BFSP2: variants seen among roughly 807,000 people sequenced by gnomAD.
The protein encoded by BFSP2 is beaded filament structural protein 2.
A neutral mutation model predicts 44.9 loss-of-function variants in BFSP2; 38 were observed. The ratio of observed to expected loss-of-function variants is 0.85; its 90% CI spans 0.65 to 1.11. The LOEUF (loss-of-function observed/expected upper bound fraction) is 1.11. Among genes scored for constraint, BFSP2 ranks in the 50% least tolerant of loss-of-function variants. The pLI is 0.00. For missense variants in BFSP2, 525 were observed against 533.0 expected, an observed-to-expected ratio of 0.99 and a Z score of 0.15; for synonymous variants, 197 against 209.9, an observed-to-expected ratio of 0.94 and a Z score of 0.53.
At chr3:133,446,546 C>G (rs1008726955) in intron 1 of BFSP2, among the ~76,000 whole-genome samples, 2 of 122,714 alleles carry the variant, frequency 1.6e-5, no homozygotes, top group Non-Finnish European at 3.3e-5. Context: ...CAGGCTCCCC[C>G]TATCAGAGCC....
chr3:133,400,290 G>C lies in BFSP2; in HGVS notation c.207G>C (p.Leu69Phe). ...CACCCAGTGGGTGCATAGGTGGCTT[G>C]GGTGCCCGTGTGACCCGCCGGGCCC... is the stretch of plus-strand genomic sequence containing the variant. ...GTAPSGCIGG[L>F]GARVTRRALG... Residue 69 changes from leucine to phenylalanine, a missense_variant, in exon 1 of 7, where the codon TTG becomes TTC. Coordinates refer to ENST00000302334, the MANE Select transcript of BFSP2 (RefSeq NM_003571.4). This position sits in a 1 kb window ranked among gnomAD's most constrained non-coding sequence, Gnocchi z 4.0. 1 of 1,614,010 alleles carries C rather than the reference G, an allele frequency of 6.2e-7. No homozygotes were observed. The highest frequency in any genetic ancestry group is 1.1e-5 in the South Asian group (1 of 91,074).
chr3:133,423,737 C>T (rs562168770), intron 1 of BFSP2, among the ~76,000 whole-genome samples: 1 of 152,238 alleles, frequency 6.6e-6, no homozygotes, highest in African/African-American at 2.4e-5. Flanking sequence ...TGACCTGGTT[C>T]TCTTGGCAGG....
At chr3:133,424,567 A>G (rs2073626465) in intron 1 of BFSP2, among the ~76,000 whole-genome samples, 1 of 152,146 alleles carries the variant, frequency 6.6e-6, no homozygotes, top group Admixed American at 6.6e-5. Context: ...AAGGAGAGTT[A>G]TCATTCCACC....
At chr3:133,425,636 C>T (rs543266599) in intron 1 of BFSP2, among the ~76,000 whole-genome samples, 8 of 152,074 alleles carry the variant, frequency 5.3e-5, no homozygotes, top group African/African-American at 1.7e-4. Context: ...TTCTCCCCTG[C>T]CCAGGTAGGG....
chr3:133,419,757 G>A (rs1397531884), intron 1 of BFSP2, among the ~76,000 whole-genome samples: 1 of 152,232 alleles, frequency 6.6e-6, no homozygotes, highest in African/African-American at 2.4e-5. Context: ...CTTTGCTGCT[G>A]GGGAATAGCA....
At chr3:133,414,359 C>A (rs1184031669) in intron 1 of BFSP2, among the ~76,000 whole-genome samples, 4 of 88,654 alleles carry the variant, frequency 4.5e-5, no homozygotes, top group African/African-American at 2.0e-4. Flanking sequence ...CCTCTACTCA[C>A]CCGTCCTCTC....
intron 1 of BFSP2, among the ~76,000 whole-genome samples, chr3:133,445,991 AAGG>A (rs201932196): frequency 1.3e-5 from 2 of 152,316 alleles, no homozygotes; most frequent in East Asian, 3.9e-4. Flanking sequence ...TATCAACCAG[AAGG>A]AGAACTCCAG....
chr3:133,434,589 T>C (rs1008662238), intron 1 of BFSP2, among the ~76,000 whole-genome samples: 2 of 152,206 alleles, frequency 1.3e-5, no homozygotes, highest in Non-Finnish European at 2.9e-5. Context: ...TGCATGTATA[T>C]GCCCAGATGG....
intron 1 of BFSP2, among the ~76,000 whole-genome samples, chr3:133,411,792 G>A (rs1489729341): frequency 6.6e-6 from 1 of 151,786 alleles, no homozygotes. Context: ...CCAAACTCTG[G>A]GAAACTATAA....
rs1329023206 is a variant in BFSP2 at position 133,450,337 on chromosome 3, G to A, written c.764G>A (p.Cys255Tyr). 6.2e-7 allele frequency: 1 copy of A among 1,614,090 alleles called. No homozygotes were observed. The highest frequency in any genetic ancestry group is 8.5e-7 in the Non-Finnish European group (1 of 1,180,032). ...CTGCTGCACAAACAGTTGGCAGGGT[G>A]TGAGCTGGAACAAATGGATGCTCCC... Reference protein sequence around the residue: ...VKLLHKQLAGCELEQMDAPIG... With the variant: ...VKLLHKQLAGYELEQMDAPIG... The change falls in exon 4 of 7, where the codon TGT (cysteine) becomes TAT (tyrosine). Residue 255 changes from cysteine to tyrosine, a missense_variant. By Grantham distance (194) the Cys-to-Tyr change is radical (BLOSUM62 -2). Transcript: ENST00000302334.
chr3:133,472,560 G>C lies in BFSP2; in HGVS notation c.1239G>C (p.Glu413Asp). ...ACCACGCCCTGCTGGACAGGGAGGA[G>C]AGCGGGTAAGCCTCGCTTCCGCGTC... The part of the protein sequence containing the change: ...ASYHALLDRE[E>D]SG The change falls in exon 6 of 7, where the codon GAG becomes GAC. Residue 413 changes from glutamate (E) to aspartate (D), a missense_variant. Transcript: ENST00000302334. 6.2e-7 allele frequency: 1 copy of C among 1,611,800 alleles called. No homozygotes were observed. Among genetic ancestry groups the C allele is most frequent in the Non-Finnish European group, 8.5e-7 (1 of 1,179,830 alleles).
In BFSP2 at chr3:133,466,915, C is replaced by T; in HGVS notation, c.979C>T (p.Gln327Ter). 6.2e-7 allele frequency: 1 copy of T among 1,614,106 alleles called. No individual in the cohort carries two copies. Among genetic ancestry groups the T allele is most frequent in the Non-Finnish European group, 8.5e-7 (1 of 1,179,990 alleles). Reference protein sequence around the residue: ...LRVELHNTSCQVQSLQAETES... With the variant: ...LRVELHNTSC ...GGTGGAGTTACACAACACTTCGTGCCAAGTCCAGAGCCTCCAGGCTGAGAC... is the reference window on the plus strand; with the variant it reads ...GGTGGAGTTACACAACACTTCGTGCTAAGTCCAGAGCCTCCAGGCTGAGAC... Residue 327 changes from glutamine (Q) to a stop codon, truncating the protein, a stop_gained, in exon 5 of 7, where the codon CAA (glutamine) becomes TAA (stop). Transcript: ENST00000302334. LOFTEE classifies it high-confidence loss of function.
At chr3:133,414,571 C>T in intron 1 of BFSP2, among the ~76,000 whole-genome samples, 2 of 129,414 alleles carry the variant, frequency 1.5e-5, no homozygotes, top group Non-Finnish European at 3.3e-5. Context: ...GCCCTCTCCC[C>T]TCTCCTCTCT....
Position 133,400,468 on chromosome 3 carries a change from A to G in BFSP2, c.385A>G (p.Ser129Gly). Residue 129 changes from serine (S) to glycine (G), a missense_variant, in exon 1 of 7, where the codon AGT becomes GGT. Physicochemically the swap from Ser to Gly is moderately conservative, Grantham distance 56. Transcript: ENST00000302334. The surrounding 1 kb of genome is among the most constrained non-coding windows in gnomAD (Gnocchi z 4.0). Reference protein sequence around the residue: ...MAKVHALEQVSQELETQLRMH... With the variant: ...MAKVHALEQVGQELETQLRMH... ...CAAAGTGCACGCCCTTGAGCAAGTC[A>G]GTCAGGAGCTGGAAACACAACTGCG... 1.2e-6 allele frequency: 2 copies of G among 1,614,038 alleles called. No individual in the cohort carries two copies. The highest frequency in any genetic ancestry group is 1.6e-4 in the Middle Eastern group (1 of 6,062).
At chr3:133,443,803 C>G (rs970116425) in intron 1 of BFSP2, among the ~76,000 whole-genome samples, 1 of 152,170 alleles carries the variant, frequency 6.6e-6, no homozygotes, top group African/African-American at 2.4e-5. Flanking sequence ...ACCTCCTCCC[C>G]ACACCTGCAG....
intron 4 of BFSP2, among the ~76,000 whole-genome samples, chr3:133,458,559 G>A (rs145717530): frequency 6.6e-6 from 1 of 152,244 alleles, no homozygotes; most frequent in Non-Finnish European, 1.5e-5. Context: ...GCCGGGTGTG[G>A]TGGCACACAC....
chr3:133,409,304 CTG>C (rs2073429469), intron 1 of BFSP2, among the ~76,000 whole-genome samples: 1 of 151,492 alleles, frequency 6.6e-6, no homozygotes, highest in African/African-American at 2.4e-5. Flanking sequence ...TTATTGAAAA[CTG>C]AGACTTGAAT....
At chr3:133,447,476 A>G (rs1485528815) in intron 2 of BFSP2, 77 bp downstream of exon 2, 5 of 1,436,892 alleles carry the variant, frequency 3.5e-6, no homozygotes, top group Non-Finnish European at 4.8e-6. Context: ...GCTGTTCTGG[A>G]GCCTGCATCA....
intron 4 of BFSP2, among the ~76,000 whole-genome samples, chr3:133,459,262 C>T (rs868224555): frequency 5.3e-5 from 8 of 152,020 alleles, no homozygotes; most frequent in Non-Finnish European, 8.8e-5. Flanking sequence ...GAGAACTGCT[C>T]GAACTCAGGA....
Sources: gnomAD v4.1 joint callset for allele counts (sites outside exome capture counted in the v4.1 genomes callset) on GRCh38, gnomAD v4.1.1 for gene constraint, Gnocchi (gnomAD v3.1) non-coding constraint, MANE v1.5 for transcripts, NCBI Gene and HGNC (gene_info 2026-07-23, HGNC 2026-07-21) for gene names.